Variants in POP1 observed in about 807,000 individuals in gnomAD.
POP1 encodes ribonucleases P/MRP protein subunit POP1.
In POP1, 75 loss-of-function variants were observed where a neutral mutation model predicts 102.2. The observed-to-expected ratio is 0.73, with a 90% CI of 0.61 to 0.89. The LOEUF (loss-of-function observed/expected upper bound fraction) is 0.89, where lower values mean the gene tolerates loss of function less well. POP1 is among the 40% of genes least tolerant of loss of function. The pLI is 0.00. For synonymous variants in POP1, 436 were observed against 464.1 expected (o/e 0.94, Z 0.78); for missense variants, 1,116 against 1,267.4 (o/e 0.88, Z 1.81).
chr8:98,139,147 G>A (rs114886181), intron 9 of POP1, among the ~76,000 whole-genome samples: 3,979 of 152,186 alleles, frequency 0.026, 172 homozygotes, highest in African/African-American at 0.091. Context: ...CACTGCACCC[G>A]GCCATGATTG....
chr8:98,130,180 G>C lies in POP1; in HGVS notation c.689G>C (p.Ser230Thr). The C allele has an allele frequency of 6.2e-7, 1 of 1,614,186 alleles. No individual in the cohort carries two copies. Among genetic ancestry groups the C allele is most frequent in the Non-Finnish European group, 8.5e-7 (1 of 1,180,030 alleles). The stretch of plus-strand genomic sequence containing the variant: ...CTTGGGGAGAGGCCAACAGTCAAGA[G>C]CCACAGAGCCTGCTATCGAGCCATG... Reference protein sequence around the residue: ...YCLGERPTVKSHRACYRAMTN... With the variant: ...YCLGERPTVKTHRACYRAMTN... The change falls in exon 5 of 16, where the codon AGC (serine) becomes ACC (threonine). Residue 230 changes from serine to threonine, a missense_variant. Coordinates refer to ENST00000401707, the MANE Select transcript of POP1 (RefSeq NM_001145860.2).
intron 11 of POP1, 118 bp downstream of exon 11, chr8:98,141,006 A>AG: frequency 4.0e-6 from 5 of 1,254,208 alleles, no homozygotes; most frequent in Non-Finnish European, 4.6e-6. Context: ...AAATTAGGGC[A>AG]GTCTCCTTAC....
intron 2 of POP1, among the ~76,000 whole-genome samples, chr8:98,126,985 G>A (rs1220975912): frequency 6.6e-6 from 1 of 152,132 alleles, no homozygotes; most frequent in Non-Finnish European, 1.5e-5. Context: ...AATAACAAAT[G>A]TATTTCTCAC....
intron 12 of POP1, among the ~76,000 whole-genome samples, chr8:98,148,183 T>A (rs1468997960): frequency 6.6e-6 from 1 of 152,160 alleles, no homozygotes; most frequent in African/African-American, 2.4e-5. Context: ...AAAAGAAGAA[T>A]CAGGATTGGA....
chr8:98,125,077 C>CA (rs1816155972), intron 2 of POP1, among the ~76,000 whole-genome samples: 1 of 151,546 alleles, frequency 6.6e-6, no homozygotes. Flanking sequence ...TTAAACCTCA[C>CA]AATGTTCTAA....
chr8:98,155,677 G>GT (rs1484371337), intron 14 of POP1, among the ~76,000 whole-genome samples: 1 of 152,030 alleles, frequency 6.6e-6, no homozygotes, highest in Non-Finnish European at 1.5e-5. Context: ...TGCCTCCTGG[G>GT]TTTAAGTGAT....
chr8:98,131,989 C>G lies in POP1; in HGVS notation c.735+1763C>G, dbSNP rs555282563. On this transcript the variant is annotated intron_variant, in intron 5 of 15. Coordinates refer to ENST00000401707, the MANE Select transcript of POP1 (RefSeq NM_001145860.2). The stretch of plus-strand genomic sequence containing the variant: ...GGTGGCCTACATAGCACTTGGGTGG[C>G]TGATTCCCCTGGCTTGTGCTTTTTC... Among the ~76,000 whole-genome samples, 12 of 152,300 alleles carry G rather than the reference C, an allele frequency of 7.9e-5. No homozygotes were observed. The South Asian group carries it at 2.1e-3, about 26-fold the overall frequency.
chr8:98,120,058 A>G (rs1205315767), intron 1 of POP1, among the ~76,000 whole-genome samples: 4 of 152,164 alleles, frequency 2.6e-5, no homozygotes, highest in Non-Finnish European at 5.9e-5. Context: ...CCATTCTAAT[A>G]CTGAGGGGAG....
At chr8:98,130,621 G>C (rs554406536) in intron 5 of POP1, among the ~76,000 whole-genome samples, 2 of 152,304 alleles carry the variant, frequency 1.3e-5, no homozygotes, top group East Asian at 3.9e-4. Context: ...CAGAGAAGAA[G>C]AGAAGGAGAA....
Position 98,159,092 on chromosome 8 carries a change from A to T in POP1, c.*821A>T, listed in dbSNP as rs1441145357. 2 of 152,244 alleles carry T rather than the reference A, an allele frequency of 1.3e-5. No individual in the cohort carries two copies. Among genetic ancestry groups the T allele is most frequent in the African/African-American group, 4.8e-5 (2 of 41,470 alleles). 9.4% of individuals were successfully genotyped at this position (152,244 alleles called of 1,614,324 possible). On this transcript the variant is annotated 3_prime_UTR_variant, in exon 16 of 16. Coordinates refer to ENST00000401707, the MANE Select transcript of POP1 (RefSeq NM_001145860.2). ...CAGGTTGATATGGAAACTCTAGGTT[A>T]AATAAAGTTAAGCATTTCTTTATGA...
At chr8:98,137,259 G>A (rs1485026379) in intron 9 of POP1, among the ~76,000 whole-genome samples, 1 of 151,770 alleles carries the variant, frequency 6.6e-6, no homozygotes, top group Non-Finnish European at 1.5e-5. Context: ...CCCTGAAATT[G>A]TGTGCCAGAT....
intron 12 of POP1, among the ~76,000 whole-genome samples, chr8:98,147,050 A>G (rs953812922): frequency 2.0e-5 from 3 of 152,232 alleles, no homozygotes; most frequent in Non-Finnish European, 4.4e-5. Flanking sequence ...TGGTTGAAAT[A>G]TGTTTTTCTT....
At chr8:98,148,695 C>A (rs926064135) in intron 12 of POP1, 120 bp from the exon 13 acceptor site, 11 of 853,536 alleles carry the variant, frequency 1.3e-5, no homozygotes, top group Non-Finnish European at 2.1e-5. Flanking sequence ...TTATTTAGAA[C>A]GTTTTTCTCT....
intron 14 of POP1, among the ~76,000 whole-genome samples, chr8:98,154,675 G>A (rs936360364): frequency 6.6e-6 from 1 of 152,110 alleles, no homozygotes; most frequent in East Asian, 1.9e-4. Context: ...GTGGTGCAGG[G>A]GAAGGCAGCA....
At chr8:98,141,787 C>G (rs993070137) in intron 11 of POP1, among the ~76,000 whole-genome samples, 12 of 148,958 alleles carry the variant, frequency 8.1e-5, no homozygotes, top group African/African-American at 2.7e-4. Context: ...AGGCTGATCT[C>G]AAACTCCTGA....
At chr8:98,125,386 A>G (rs1195114272) in intron 2 of POP1, among the ~76,000 whole-genome samples, 1 of 151,918 alleles carries the variant, frequency 6.6e-6, no homozygotes, top group Non-Finnish European at 1.5e-5. Flanking sequence ...GGGTTTCACC[A>G]TATTGGCCAT....
chr8:98,150,685 G>C, intron 14 of POP1, 46 bp downstream of exon 14: 1 of 1,582,966 alleles, frequency 6.3e-7, no homozygotes, highest in Non-Finnish European at 8.7e-7. Context: ...AAGGAAAAGA[G>C]AAGTGCCTGC....
At chr8:98,157,512 A>G (rs1809680965) in intron 15 of POP1, 105 bp from the exon 16 acceptor site, 6 of 1,309,750 alleles carry the variant, frequency 4.6e-6, no homozygotes, top group East Asian at 2.4e-5. Flanking sequence ...TGATTCTTAT[A>G]TAGTATAAAA....
intron 2 of POP1, among the ~76,000 whole-genome samples, chr8:98,127,356 C>T (rs1816235942): frequency 1.3e-5 from 2 of 152,118 alleles, no homozygotes; most frequent in African/African-American, 2.4e-5. Flanking sequence ...ATCCAAGGTC[C>T]TTTATATGTC....
Sources: gnomAD v4.1 joint callset for allele counts (sites outside exome capture counted in the v4.1 genomes callset) on GRCh38, gnomAD v4.1.1 for gene constraint, MANE v1.5 for transcripts, NCBI Gene and HGNC (gene_info 2026-07-23, HGNC 2026-07-21) for gene names.